The following MTRR variants were observed in gnomAD, a reference collection of about 807,000 sequenced individuals.
The protein encoded by MTRR is 5-methyltetrahydrofolate-homocysteine methyltransferase reductase.
In MTRR, 63 loss-of-function variants were observed where a neutral mutation model predicts 79.2. The ratio of observed to expected loss-of-function variants is 0.80; its 90% CI spans 0.65 to 0.98. MTRR has a LOEUF of 0.98. Among genes scored for constraint, MTRR ranks in the 50% least tolerant of loss-of-function variants. The pLI is 0.00. For synonymous variants in MTRR, 355 were observed against 313.3 expected (o/e 1.13, Z -1.41); for missense variants, 895 against 839.6 (o/e 1.07, Z -0.82).
At position 7,889,111 on chromosome 5, in the gene MTRR, T is replaced by A; in HGVS notation, c.1163T>A (p.Leu388His). ...AIPKKAFLRA[L>H]VDYTSDSAEK... ...TTTTTGTAGGCATTTTTGCGAGCCCTTGTGGACTATACCAGTGACAGTGCT... is the reference window on the plus strand; with the variant it reads ...TTTTTGTAGGCATTTTTGCGAGCCCATGTGGACTATACCAGTGACAGTGCT... The change falls in exon 9 of 15, where the codon CTT becomes CAT. Residue 388 changes from leucine to histidine, a missense_variant. Physicochemically the swap from Leu to His is moderately conservative, Grantham distance 99 (BLOSUM62 -3). Coordinates refer to ENST00000440940, the MANE Select transcript of MTRR (RefSeq NM_002454.3). 6.2e-7 allele frequency: 1 copy of A among 1,614,124 alleles called. No homozygotes were observed. Among genetic ancestry groups the A allele is most frequent in the Non-Finnish European group, 8.5e-7 (1 of 1,179,988 alleles).
intron 13 of MTRR, 29 bp downstream of exon 13, chr5:7,896,985 A>G (rs1354054471): frequency 5.0e-6 from 8 of 1,609,054 alleles, no homozygotes; most frequent in Non-Finnish European, 6.8e-6. Flanking sequence ...ATTGTACTCA[A>G]CCACTGAGTG....
chr5:7,869,228 T>C lies in MTRR; in HGVS notation c.-26+13T>C. ...TGGCGCGGCGTGGGTAAGCTGCCTG[T>C]CGGCTACGGTTCCCGGATTCCGGCC... On this transcript the variant is annotated intron_variant, in intron 1 of 14. Transcript: ENST00000440940. The C allele has an allele frequency of 6.2e-7, 1 of 1,603,970 alleles. No homozygotes were observed. The highest frequency in any genetic ancestry group is 8.5e-7 in the Non-Finnish European group (1 of 1,179,664).
intron 1 of MTRR, among the ~76,000 whole-genome samples, chr5:7,857,133 TTTTTTCATTCA>T (rs1438861295): frequency 2.6e-5 from 4 of 152,228 alleles, no homozygotes; most frequent in African/African-American, 9.6e-5. Flanking sequence ...TAAAACAATT[TTTTTTCATTCA>T]TTTTTCTTGC....
Position 7,870,851 on chromosome 5 carries a change from A to C in MTRR, c.57A>C (p.Ala19=). 1 of 1,614,248 alleles carries C rather than the reference A, an allele frequency of 6.2e-7. No individual in the cohort carries two copies. The change falls in exon 2 of 15, where the codon GCA becomes GCC. Residue 19 remains alanine (A), a synonymous_variant. Coordinates refer to ENST00000440940, the MANE Select transcript of MTRR (RefSeq NM_002454.3). The part of the protein sequence containing the change: ...ATQQGQAKAI[A]EEICEQAVVH... ...AGCAGGGACAGGCAAAGGCCATCGC[A>C]GAAGAAATATGTGAGCAAGCTGTGG... is the stretch of plus-strand genomic sequence containing the variant.
chr5:7,887,793 C>CATATATATATATATATAT (rs372829698), intron 8 of MTRR, among the ~76,000 whole-genome samples: 22 of 92,014 alleles, frequency 2.4e-4, no homozygotes, highest in Admixed American at 3.8e-4. Context: ...TGTGTGTGTG[C>CATATATATATATATATAT]ATATATATAT....
intron 12 of MTRR, chr5:7,896,648 G>T: frequency 1.7e-6 from 1 of 601,498 alleles, no homozygotes; most frequent in Non-Finnish European, 3.0e-6. Flanking sequence ...TATGTCGGAT[G>T]TAGCTGCCTC....
intron 1 of MTRR, among the ~76,000 whole-genome samples, chr5:7,858,681 C>G (rs1746330518): frequency 6.6e-6 from 1 of 152,096 alleles, no homozygotes; most frequent in Non-Finnish European, 1.5e-5. Flanking sequence ...ATCATCTCAA[C>G]CTGTTACAGG....
upstream of MTRR, chr5:7,867,408 TCA>T: frequency 6.2e-7 from 1 of 1,614,220 alleles, no homozygotes; most frequent in South Asian, 1.1e-5. Context: ...TGCAGTGTAA[TCA>T]GACTTTCCCC....
rs564456430 is a variant in MTRR at position 7,854,610 on chromosome 5, A to C, written n.391+3025A>C. Among the ~76,000 whole-genome samples, 138 of 152,180 alleles carry C rather than the reference A, an allele frequency of 9.1e-4. 2 individuals carry two copies. The South Asian group carries it at 0.026, about 28-fold the overall frequency. ...TGCAAAAGCGGAAACCCCTGATAAA[A>C]CTATCAGATCTCATGAGACTTATTC... On this transcript the variant is annotated intron_variant and non_coding_transcript_variant, in intron 1 of 3. Transcript: ENST00000502509.
chr5:7,873,630 T>G (rs1447399419), intron 3 of MTRR, 104 bp downstream of exon 3: 9 of 1,337,890 alleles, frequency 6.7e-6, no homozygotes, highest in East Asian at 4.7e-5. Flanking sequence ...GGTTTTGTCT[T>G]TCTTATGTAA....
intron 1 of MTRR, chr5:7,861,662 GAAGA>G: frequency 6.2e-7 from 1 of 1,606,506 alleles, no homozygotes; most frequent in Non-Finnish European, 8.5e-7. Context: ...TCTGGTGAGA[GAAGA>G]AAGGAAAAAT....
intron 2 of MTRR, among the ~76,000 whole-genome samples, chr5:7,863,741 A>C (rs2126601578): frequency 6.6e-6 from 1 of 152,372 alleles, no homozygotes; most frequent in Non-Finnish European, 1.5e-5. Flanking sequence ...TCTGTCATCC[A>C]TGACAGATGC....
In MTRR at chr5:7,870,867, C is replaced by T. The variant is rs748657512; in HGVS notation, c.73C>T (p.Gln25Ter). 1 of 1,614,044 alleles carries T rather than the reference C, an allele frequency of 6.2e-7. No homozygotes were observed. Among genetic ancestry groups the T allele is most frequent in the Non-Finnish European group, 8.5e-7 (1 of 1,180,022 alleles). ...GGCCATCGCAGAAGAAATATGTGAG[C>T]AAGCTGTGGTACATGGATTTTCTGC... is the stretch of plus-strand genomic sequence containing the variant. The part of the protein sequence containing the change: ...AKAIAEEICE[Q>*]AVVHGFSADL... Residue 25 changes from glutamine to a stop codon, truncating the protein, a stop_gained, in exon 2 of 15, where the codon CAA (glutamine) becomes TAA (stop). Coordinates refer to ENST00000440940, the MANE Select transcript of MTRR (RefSeq NM_002454.3). LOFTEE classifies it high-confidence loss of function.
chr5:7,892,627 C>G (rs941765720), intron 10 of MTRR, 100 bp from the exon 11 acceptor site: 1 of 1,289,962 alleles, frequency 7.8e-7, no homozygotes, highest in Non-Finnish European at 1.1e-6. Context: ...AGATTAGAGC[C>G]TATAAGGAAA....
chr5:7,859,923 A>C (rs16879237), intron 1 of MTRR, among the ~76,000 whole-genome samples: 2,542 of 152,260 alleles, frequency 0.017, 71 homozygotes, highest in African/African-American at 0.058. Context: ...GGATGCCGAC[A>C]AACTGCTGGA....
In MTRR at chr5:7,869,183, T is replaced by C. The variant is rs1387753888; in HGVS notation, c.-58T>C. The C allele has an allele frequency of 6.2e-7, 1 of 1,611,412 alleles. No individual in the cohort carries two copies. The highest frequency in any genetic ancestry group is 8.5e-7 in the Non-Finnish European group (1 of 1,179,812). On this transcript the variant is annotated 5_prime_UTR_variant, in exon 1 of 15. Coordinates refer to ENST00000440940, the MANE Select transcript of MTRR (RefSeq NM_002454.3). ...GGCGCAAGGTTGGTGGAAGTCGCGTTGTGCAGGTTCGTGCCCGGCTGGCGC... is the reference window on the plus strand; with the variant it reads ...GGCGCAAGGTTGGTGGAAGTCGCGTCGTGCAGGTTCGTGCCCGGCTGGCGC...
intron 1 of MTRR, chr5:7,869,606 C>T (rs903270049): frequency 8.1e-6 from 2 of 246,428 alleles, no homozygotes; most frequent in Middle Eastern, 1.5e-3. Context: ...TCCGAGCGCC[C>T]ACCCGGCGGG....
chr5:7,888,659 G>C (rs866330478), intron 8 of MTRR, among the ~76,000 whole-genome samples: 15 of 152,180 alleles, frequency 9.9e-5, no homozygotes, highest in Non-Finnish European at 5.9e-5. Flanking sequence ...CAATCATCTT[G>C]AGCCATGGAA....
chr5:7,889,007 G>A, intron 8 of MTRR, 88 bp from the exon 9 acceptor site: 2 of 1,484,766 alleles, frequency 1.3e-6, no homozygotes, highest in Non-Finnish European at 1.9e-6. Context: ...GGGTAATTGG[G>A]TGCATCCCTA....
Sources: allele counts gnomAD v4.1 joint callset (sites outside exome capture counted in the v4.1 genomes callset), GRCh38; gene constraint gnomAD v4.1.1; transcripts MANE v1.5; gene names NCBI Gene and HGNC (gene_info 2026-07-23, HGNC 2026-07-21).